MORC3: variants seen among roughly 807,000 people sequenced by gnomAD.
MORC3 encodes MORC family CW-type zinc finger 3.
In MORC3, 31 loss-of-function variants were observed where a neutral mutation model predicts 109.1. The ratio of observed to expected loss-of-function variants is 0.28; its 90% CI spans 0.21 to 0.38. The LOEUF is 0.38. Ranked by LOEUF, MORC3 falls within the 10% of genes least tolerant of loss-of-function variation. The pLI is 1.00. For synonymous variants in MORC3, 395 were observed against 380.7 expected, an observed-to-expected ratio of 1.04 and a Z score of -0.44; for missense variants, 867 against 1,135.8, an observed-to-expected ratio of 0.76 and a Z score of 3.40.
At chr21:36,323,689 T>G (rs550706517) in intron 1 of MORC3, among the ~76,000 whole-genome samples, 1 of 152,340 alleles carries the variant, frequency 6.6e-6, no homozygotes, top group African/African-American at 2.4e-5. Context: ...CGTGCTTGAT[T>G]GTTTAATAGA....
intron 1 of MORC3, among the ~76,000 whole-genome samples, chr21:36,327,152 TTTC>T (rs1482497474): frequency 1.7e-5 from 2 of 116,526 alleles, no homozygotes; most frequent in African/African-American, 6.2e-5. Flanking sequence ...ATTGGCTTTA[TTTC>T]TTTTTTTTTT....
At chr21:36,320,637 G>A (rs1246618819) in intron 1 of MORC3, 2 of 268,752 alleles carry the variant, frequency 7.4e-6, no homozygotes, top group Non-Finnish European at 1.4e-5. Flanking sequence ...GGGGCCGCGG[G>A]GCCCCTGACC....
chr21:36,351,205 C>A (rs957636961), intron 9 of MORC3, among the ~76,000 whole-genome samples: 5 of 151,436 alleles, frequency 3.3e-5, no homozygotes, highest in African/African-American at 1.2e-4. Flanking sequence ...GTAGCTGGGA[C>A]TACAGGCATG....
chr21:36,341,581 A>G lies in MORC3; in HGVS notation c.756+35A>G, dbSNP rs1406579232. On this transcript the variant is annotated intron_variant, in intron 6 of 16. Coordinates refer to ENST00000400485, the MANE Select transcript of MORC3 (RefSeq NM_015358.3). Reference sequence around the variant, plus strand: ...CAGCTCTCTTTGTGGAAGTGAGAAAATCATTGAATGCTGGTAGTATTAGGA... The same window carrying G: ...CAGCTCTCTTTGTGGAAGTGAGAAAGTCATTGAATGCTGGTAGTATTAGGA... The G allele has an allele frequency of 4.3e-6, 7 of 1,612,574 alleles. 1 individual carries two copies. The South Asian group carries it at 7.7e-5, about 18-fold the overall frequency.
chr21:36,345,859 A>G (rs976467612), intron 8 of MORC3, among the ~76,000 whole-genome samples: 1 of 150,426 alleles, frequency 6.6e-6, no homozygotes, highest in Admixed American at 6.6e-5. Context: ...GCCCGGCTTT[A>G]TTTTTATTTT....
At chr21:36,343,584 G>A (rs1252216790) in intron 6 of MORC3, among the ~76,000 whole-genome samples, 2 of 151,642 alleles carry the variant, frequency 1.3e-5, no homozygotes, top group African/African-American at 4.8e-5. Context: ...GAGTAGCCAG[G>A]ACTACAAGCA....
chr21:36,362,103 A>T, intron 12 of MORC3, 80 bp from the exon 13 acceptor site: 1 of 1,396,598 alleles, frequency 7.2e-7, no homozygotes, highest in Non-Finnish European at 1.0e-6. Context: ...AGAGTACCTT[A>T]GTAACTGCAT....
intron 14 of MORC3, among the ~76,000 whole-genome samples, chr21:36,368,381 T>C (rs1345820650): frequency 6.6e-6 from 1 of 152,184 alleles, no homozygotes; most frequent in Non-Finnish European, 1.5e-5. Context: ...CATTCTGTTC[T>C]GGAAATGTGT....
At chr21:36,326,387 A>G (rs780993397) in intron 1 of MORC3, among the ~76,000 whole-genome samples, 1 of 152,006 alleles carries the variant, frequency 6.6e-6, no homozygotes, top group Non-Finnish European at 1.5e-5. Flanking sequence ...TTAGCCGGGC[A>G]TGGTGACACA....
chr21:36,320,411 G>A, intron 1 of MORC3, 108 bp downstream of exon 1: 1 of 1,114,190 alleles, frequency 9.0e-7, no homozygotes, highest in South Asian at 3.8e-5. Context: ...ACGCGGCGGC[G>A]GGGGCTGCGG....
chr21:36,320,227 G>A lies in MORC3; in HGVS notation c.-38G>A. The A allele has an allele frequency of 1.3e-6, 2 of 1,568,880 alleles. No individual in the cohort carries two copies. Among genetic ancestry groups the A allele is most frequent in the Non-Finnish European group, 1.7e-6 (2 of 1,157,694 alleles). ...CGTTCCGCCACCTCCCAGTCGGGTT[G>A]CGGCGGAGGCCGTTCCTGGCTTTGT... On this transcript the variant is annotated 5_prime_UTR_variant, in exon 1 of 17. Coordinates refer to ENST00000400485, the MANE Select transcript of MORC3 (RefSeq NM_015358.3).
At chr21:36,343,322 C>T (rs543101819) in intron 6 of MORC3, among the ~76,000 whole-genome samples, 8 of 152,022 alleles carry the variant, frequency 5.3e-5, no homozygotes, top group South Asian at 2.1e-4. Flanking sequence ...CTCGAACTCC[C>T]GACCTCAGTG....
intron 1 of MORC3, among the ~76,000 whole-genome samples, chr21:36,330,258 A>G (rs1464581375): frequency 6.6e-6 from 1 of 152,026 alleles, no homozygotes; most frequent in East Asian, 1.9e-4. Context: ...TCATAAGAAA[A>G]CATTTTACAG....
intron 1 of MORC3, among the ~76,000 whole-genome samples, chr21:36,326,731 C>G (rs2146286118): frequency 6.6e-6 from 1 of 151,812 alleles, no homozygotes. Context: ...CACGGTTCAT[C>G]CATGTTGTAG....
At chr21:36,333,988 T>C (rs376204398) in intron 2 of MORC3, among the ~76,000 whole-genome samples, 69 of 151,816 alleles carry the variant, frequency 4.5e-4, no homozygotes, top group African/African-American at 1.5e-3. Context: ...GGGGTTTCAC[T>C]GTGTTAGCCA....
At chr21:36,351,019 A>G (rs904875952) in intron 9 of MORC3, among the ~76,000 whole-genome samples, 3 of 142,622 alleles carry the variant, frequency 2.1e-5, no homozygotes, top group African/African-American at 7.8e-5. Context: ...ACTTTGAAAT[A>G]TATATATAAG....
chr21:36,328,166 C>A (rs1458820819), intron 1 of MORC3, among the ~76,000 whole-genome samples: 1 of 151,922 alleles, frequency 6.6e-6, no homozygotes, highest in Admixed American at 6.6e-5. Flanking sequence ...TGTGAGCCAC[C>A]ACGCCCAGCT....
chr21:36,343,318 C>G (rs907505890), intron 6 of MORC3, among the ~76,000 whole-genome samples: 1 of 152,078 alleles, frequency 6.6e-6, no homozygotes, highest in Non-Finnish European at 1.5e-5. Flanking sequence ...TGGTCTCGAA[C>G]TCCCGACCTC....
chr21:36,325,449 TTTA>T (rs1407649720), intron 1 of MORC3, among the ~76,000 whole-genome samples: 8 of 152,230 alleles, frequency 5.3e-5, no homozygotes, highest in Admixed American at 1.3e-4. Context: ...TGATTATTTG[TTTA>T]TTATTGTAAT....
Sources: gnomAD v4.1 joint callset for allele counts (sites outside exome capture counted in the v4.1 genomes callset) on GRCh38, gnomAD v4.1.1 for gene constraint, MANE v1.5 for transcripts, NCBI Gene and HGNC (gene_info 2026-07-23, HGNC 2026-07-21) for gene names.